YES1: variants seen among roughly 807,000 people sequenced by gnomAD.
YES1 encodes tyrosine-protein kinase Yes.
In YES1, 39 loss-of-function variants were observed where a neutral mutation model predicts 70.4. The ratio of observed to expected loss-of-function variants is 0.55; its 90% CI spans 0.43 to 0.72. The LOEUF is 0.72. Ranked by LOEUF, YES1 falls within the 30% of genes least tolerant of loss-of-function variation. The pLI, the probability that YES1 is intolerant of heterozygous loss-of-function variation, is 0.00. For synonymous variants in YES1, 198 were observed against 218.6 expected, an observed-to-expected ratio of 0.91 and a Z score of 0.83; for missense variants, 495 against 644.8, an observed-to-expected ratio of 0.77 and a Z score of 2.52.
chr18:761,716 T>C (rs750568895), intron 1 of YES1, among the ~76,000 whole-genome samples: 11 of 152,198 alleles, frequency 7.2e-5, no homozygotes, highest in Non-Finnish European at 1.5e-4. Context: ...CCAATAACTC[T>C]AGGATAGCCC....
intron 1 of YES1, among the ~76,000 whole-genome samples, chr18:765,682 G>C (rs759559464): frequency 5.3e-5 from 8 of 152,146 alleles, no homozygotes; most frequent in Non-Finnish European, 8.8e-5. Context: ...ACAGGCGTGA[G>C]CCACCGCACC....
At chr18:771,195 C>T (rs1169357703) in intron 1 of YES1, among the ~76,000 whole-genome samples, 5 of 151,878 alleles carry the variant, frequency 3.3e-5, no homozygotes, top group African/African-American at 4.8e-5. Flanking sequence ...GGCGAAACCT[C>T]GTCTCTACTA....
chr18:806,170 T>G (rs1351503969), intron 1 of YES1, among the ~76,000 whole-genome samples: 1 of 152,230 alleles, frequency 6.6e-6, no homozygotes, highest in Non-Finnish European at 1.5e-5. Context: ...GTCACTACTG[T>G]GATGAGATAC....
At chr18:728,066 T>C (rs1465604859) in intron 11 of YES1, among the ~76,000 whole-genome samples, 1 of 152,192 alleles carries the variant, frequency 6.6e-6, no homozygotes, top group African/African-American at 2.4e-5. Flanking sequence ...CCAGGCACGG[T>C]GGCTCGCACC....
intron 1 of YES1, among the ~76,000 whole-genome samples, chr18:799,830 G>A (rs375263371): frequency 2.0e-5 from 3 of 152,028 alleles, no homozygotes; most frequent in African/African-American, 7.2e-5. Context: ...GAACCCAGGA[G>A]GCAGAGATCA....
intron 1 of YES1, among the ~76,000 whole-genome samples, chr18:759,943 A>G (rs1276872738): frequency 3.5e-5 from 5 of 142,866 alleles, no homozygotes; most frequent in African/African-American, 1.3e-4. Flanking sequence ...CCCACCTATG[A>G]GTGAGAACAT....
At chr18:784,383 G>A (rs950934702) in intron 1 of YES1, among the ~76,000 whole-genome samples, 2 of 152,152 alleles carry the variant, frequency 1.3e-5, no homozygotes, top group African/African-American at 4.8e-5. Flanking sequence ...AATAGGTTTT[G>A]GTTCTATGTC....
chr18:770,691 CTTTG>C (rs1375676695), intron 1 of YES1, among the ~76,000 whole-genome samples: 5 of 152,254 alleles, frequency 3.3e-5, no homozygotes, highest in Admixed American at 1.3e-4. Flanking sequence ...GTAAAGCTCA[CTTTG>C]TTTGTTTCCC....
At chr18:789,445 TGGTAGTAC>T (rs1906129071) in intron 1 of YES1, among the ~76,000 whole-genome samples, 1 of 152,024 alleles carries the variant, frequency 6.6e-6, no homozygotes, top group African/African-American at 2.4e-5. Context: ...TAGCCAAGTG[TGGTAGTAC>T]AGGCCTGTAG....
intron 1 of YES1, among the ~76,000 whole-genome samples, chr18:759,343 T>G (rs540009308): frequency 2.6e-5 from 4 of 152,212 alleles, no homozygotes; most frequent in Non-Finnish European, 5.9e-5. Flanking sequence ...GGCGGGCGCC[T>G]GTAATTCCAG....
intron 1 of YES1, among the ~76,000 whole-genome samples, chr18:762,087 AG>A (rs1253539214): frequency 6.6e-6 from 1 of 151,600 alleles, no homozygotes; most frequent in Non-Finnish European, 1.5e-5. Context: ...TTGGGAGGCC[AG>A]GGTGGGCGGA....
At chr18:773,533 G>A (rs143922915) in intron 1 of YES1, among the ~76,000 whole-genome samples, 85 of 152,172 alleles carry the variant, frequency 5.6e-4, no homozygotes, top group African/African-American at 2.0e-3. Flanking sequence ...AATCCTGTAC[G>A]AATTAAAAGG....
intron 1 of YES1, among the ~76,000 whole-genome samples, chr18:776,768 C>T (rs915044067): frequency 6.6e-6 from 1 of 152,120 alleles, no homozygotes; most frequent in Admixed American, 6.5e-5. Context: ...TCCAATCCAA[C>T]CCAAGGAGGT....
chr18:808,914 C>T (rs1407058244), intron 1 of YES1, among the ~76,000 whole-genome samples: 1 of 152,188 alleles, frequency 6.6e-6, no homozygotes, highest in African/African-American at 2.4e-5. Context: ...TTATTTTATG[C>T]TGAGATTTCA....
At chr18:760,609 G>A (rs911416803) in intron 1 of YES1, among the ~76,000 whole-genome samples, 1 of 152,170 alleles carries the variant, frequency 6.6e-6, no homozygotes, top group Non-Finnish European at 1.5e-5. Context: ...ATCCACAGGA[G>A]GTTCTAGAAG....
chr18:791,261 A>G (rs548943747), intron 1 of YES1, among the ~76,000 whole-genome samples: 1 of 151,124 alleles, frequency 6.6e-6, no homozygotes, highest in Admixed American at 6.6e-5. Context: ...GAAAAAAAAA[A>G]GAAAAAAAAA....
chr18:768,143 G>C (rs1380006671), intron 1 of YES1, among the ~76,000 whole-genome samples: 4 of 152,176 alleles, frequency 2.6e-5, no homozygotes, highest in Non-Finnish European at 5.9e-5. Context: ...AGCAGGCTCA[G>C]ACAATACGCA....
intron 1 of YES1, among the ~76,000 whole-genome samples, chr18:787,692 AGAGT>A (rs1906035279): frequency 1.3e-5 from 2 of 152,034 alleles, no homozygotes; most frequent in Admixed American, 1.3e-4. Flanking sequence ...CCTGGGCAAC[AGAGT>A]GAGACTCTGT....
intron 4 of YES1, 114 bp downstream of exon 4, chr18:747,806 G>C (rs1476871845): frequency 1.2e-6 from 1 of 814,806 alleles, no homozygotes; most frequent in Non-Finnish European, 1.9e-6. Context: ...TGATACATAA[G>C]CTGTATTAAG....
Sources: allele counts gnomAD v4.1 joint callset (sites outside exome capture counted in the v4.1 genomes callset), GRCh38; gene constraint gnomAD v4.1.1; transcripts MANE v1.5; gene names NCBI Gene and HGNC (gene_info 2026-07-23, HGNC 2026-07-21).